The following DLG2 variants were observed in gnomAD, a reference collection of about 807,000 sequenced individuals.
DLG2 encodes the protein disks large homolog 2.
Under a neutral mutation model 132.5 loss-of-function variants are expected in DLG2, and 45 were observed. The ratio of observed to expected loss-of-function variants is 0.34; its 90% CI spans 0.27 to 0.44. The LOEUF (loss-of-function observed/expected upper bound fraction) is 0.44. Ranked by LOEUF, DLG2 falls within the 20% of genes least tolerant of loss-of-function variation. The pLI is 1.00. For missense variants in DLG2, 1,045 were observed against 1,196.9 expected, an observed-to-expected ratio of 0.87 and a Z score of 1.87; for synonymous variants, 424 against 419.6, an observed-to-expected ratio of 1.01 and a Z score of -0.13.
chr11:84,128,023 C>T lies in DLG2; in HGVS notation c.625-28976G>A, dbSNP rs942755768. On this transcript the variant is annotated intron_variant, in intron 9 of 27. Transcript: ENST00000376104. The stretch of plus-strand genomic sequence containing the variant: ...TTTGCTTATTTATATTATAGATGTT[C>T]CCCCTTTTCAATGTTTGCTCAAAGG... 3.9e-5 allele frequency among the ~76,000 whole-genome samples: 6 copies of T among 152,164 alleles called. 1 individual carries two copies. Among genetic ancestry groups the T allele is most frequent in the Non-Finnish European group, 7.4e-5 (5 of 68,026 alleles).
intron 6 of DLG2, among the ~76,000 whole-genome samples, chr11:85,018,727 C>A (rs930693612): frequency 6.7e-6 from 1 of 149,872 alleles, no homozygotes. Context: ...TGTAATCATA[C>A]AATTAATAAG....
At chr11:85,002,434 C>G (rs1261500075) in intron 6 of DLG2, among the ~76,000 whole-genome samples, 1 of 152,130 alleles carries the variant, frequency 6.6e-6, no homozygotes. Flanking sequence ...ATATGCTAGT[C>G]TAGTGTTTCT....
At chr11:84,599,640 A>G (rs2099571127) in intron 6 of DLG2, among the ~76,000 whole-genome samples, 1 of 152,170 alleles carries the variant, frequency 6.6e-6, no homozygotes, top group African/African-American at 2.4e-5. Flanking sequence ...CTCAGCTTTT[A>G]CCAGAGCTGT....
intron 22 of DLG2, chr11:83,480,370 A>G (rs1337522550): frequency 2.0e-6 from 3 of 1,534,654 alleles, no homozygotes; most frequent in Non-Finnish European, 2.6e-6. Context: ...GCAGTAACTT[A>G]CGGTAGCTAC....
intron 9 of DLG2, among the ~76,000 whole-genome samples, chr11:84,120,467 A>G (rs1207379020): frequency 6.6e-6 from 1 of 152,204 alleles, no homozygotes; most frequent in Non-Finnish European, 1.5e-5. Context: ...GTTCTTCACA[A>G]TGACTCTGAG....
At chr11:84,196,814 G>A (rs1218637060) in intron 8 of DLG2, among the ~76,000 whole-genome samples, 2 of 151,970 alleles carry the variant, frequency 1.3e-5, no homozygotes, top group African/African-American at 2.4e-5. Context: ...GCCGAGACGG[G>A]TGGATCATTT....
chr11:84,611,741 C>T (rs2099595938), intron 6 of DLG2, among the ~76,000 whole-genome samples: 3 of 152,096 alleles, frequency 2.0e-5, no homozygotes, highest in Non-Finnish European at 1.5e-5. Context: ...AAGAAAGATA[C>T]TTTCACCATT....
intron 3 of DLG2, among the ~76,000 whole-genome samples, chr11:85,554,267 T>C (rs1462069005): frequency 6.6e-6 from 1 of 151,616 alleles, no homozygotes; most frequent in African/African-American, 2.4e-5. Flanking sequence ...TCTGATAGTA[T>C]TGAACATAAA....
intron 6 of DLG2, among the ~76,000 whole-genome samples, chr11:85,035,879 C>T (rs1446810355): frequency 6.6e-6 from 1 of 152,130 alleles, no homozygotes; most frequent in African/African-American, 2.4e-5. Context: ...GCATATTTGG[C>T]TTCTGAATAT....
In DLG2 at chr11:84,065,573, C is replaced by G. The variant is rs888813169; in HGVS notation, c.750-6089G>C. Among the ~76,000 whole-genome samples the G allele has an allele frequency of 4.6e-5, 7 of 152,076 alleles. No homozygotes were observed. The South Asian group carries it at 1.0e-3, about 23-fold the overall frequency. On this transcript the variant is annotated intron_variant, in intron 10 of 27. Coordinates refer to ENST00000376104, the MANE Select transcript of DLG2 (RefSeq NM_001142699.3). The stretch of plus-strand genomic sequence containing the variant: ...TTAAAAAGGCAAAAAATAACAGATG[C>G]TGGCAAGGTTGTGAAGAAAAGGGAA...
chr11:83,874,540 T>TA (rs11447183), intron 15 of DLG2, 52 bp from the exon 16 acceptor site: 405,998 of 1,386,874 alleles, frequency 0.29, 60,197 homozygotes, highest in African/African-American at 0.35. Flanking sequence ...TTTTATTTTT[T>TA]TATTTTTTTA....
chr11:84,353,342 A>T (rs987795452), intron 7 of DLG2, among the ~76,000 whole-genome samples: 6 of 151,984 alleles, frequency 3.9e-5, no homozygotes, highest in African/African-American at 1.4e-4. Flanking sequence ...CTAAACTTGG[A>T]CTCTTCCTGC....
At chr11:84,500,406 A>T (rs1001109623) in intron 7 of DLG2, among the ~76,000 whole-genome samples, 1 of 152,300 alleles carries the variant, frequency 6.6e-6, no homozygotes, top group South Asian at 2.1e-4. Flanking sequence ...GAAAAAATAA[A>T]TCTACTGCTG....
At chr11:85,342,351 A>G (rs1197616764) in intron 3 of DLG2, among the ~76,000 whole-genome samples, 2 of 152,068 alleles carry the variant, frequency 1.3e-5, no homozygotes, top group African/African-American at 2.4e-5. Context: ...AAACTAAGAC[A>G]CAAACACACA....
intron 6 of DLG2, among the ~76,000 whole-genome samples, chr11:84,959,437 T>C (rs1424671140): frequency 6.6e-6 from 1 of 152,148 alleles, no homozygotes; most frequent in Non-Finnish European, 1.5e-5. Context: ...AGGGCATGCA[T>C]CTACAGTACT....
At chr11:84,832,054 T>G (rs961803313) in intron 6 of DLG2, among the ~76,000 whole-genome samples, 6 of 151,640 alleles carry the variant, frequency 4.0e-5, no homozygotes, top group Non-Finnish European at 8.9e-5. Context: ...AAAAGCAACT[T>G]CAACACATGA....
At chr11:83,879,061 G>T (rs1440407243) in intron 15 of DLG2, among the ~76,000 whole-genome samples, 1 of 152,132 alleles carries the variant, frequency 6.6e-6, no homozygotes, top group Non-Finnish European at 1.5e-5. Flanking sequence ...TTTGAATGGT[G>T]CTGAAAGATG....
intron 7 of DLG2, among the ~76,000 whole-genome samples, chr11:84,427,137 G>C (rs376421595): frequency 4.6e-5 from 7 of 152,048 alleles, no homozygotes; most frequent in African/African-American, 1.7e-4. Flanking sequence ...AGAGTAAGAG[G>C]CATCATTGGT....
At position 85,346,273 on chromosome 11, in the gene DLG2, T is replaced by G. The variant is rs925020414; in HGVS notation, c.41-60908A>C. ...CGCTATCTCGGCTCACTGCAAGCTC[T>G]GCCTCCTGGGTTCACGCCATTCTCC... is the stretch of plus-strand genomic sequence containing the variant. On this transcript the variant is annotated intron_variant, in intron 3 of 27. Transcript: ENST00000376104. Among the ~76,000 whole-genome samples the G allele has an allele frequency of 1.7e-4, 26 of 151,782 alleles. 1 individual carries two copies. The highest frequency in any genetic ancestry group is 1.7e-3 in the Admixed American group (26 of 15,244).
Sources: allele counts gnomAD v4.1 joint callset (sites outside exome capture counted in the v4.1 genomes callset), GRCh38; gene constraint gnomAD v4.1.1; transcripts MANE v1.5; gene names NCBI Gene and HGNC (gene_info 2026-07-23, HGNC 2026-07-21).